The following DAP variants were observed in gnomAD, a reference collection of about 807,000 sequenced individuals.
The protein encoded by DAP is death-associated protein 1.
A neutral mutation model predicts 13.8 loss-of-function variants in DAP; 8 were observed. The ratio of observed to expected loss-of-function variants is 0.58; its 90% CI spans 0.34 to 1.05. The LOEUF is 1.05. Among genes scored for constraint, DAP ranks in the 50% least tolerant of loss-of-function variants. DAP has a pLI of 0.03. For synonymous variants in DAP, 47 were observed against 47.5 expected, an observed-to-expected ratio of 0.99 and a Z score of 0.04; for missense variants, 106 against 133.2, an observed-to-expected ratio of 0.80 and a Z score of 1.01.
chr5:10,725,354 G>A (rs955369412), intron 2 of DAP, among the ~76,000 whole-genome samples: 6 of 152,196 alleles, frequency 3.9e-5, no homozygotes, highest in Non-Finnish European at 8.8e-5. Context: ...GTCCTGAGGC[G>A]TGTGGGCTCC....
chr5:10,716,898 T>A (rs894373609), intron 2 of DAP, among the ~76,000 whole-genome samples: 8 of 152,220 alleles, frequency 5.3e-5, no homozygotes, highest in African/African-American at 9.6e-5. Context: ...TCATTGGTTT[T>A]GGGGTTTCTG....
intron 2 of DAP, among the ~76,000 whole-genome samples, chr5:10,743,432 C>T (rs1473045466): frequency 6.6e-6 from 1 of 152,168 alleles, no homozygotes; most frequent in Non-Finnish European, 1.5e-5. Context: ...AAGTCAAGCT[C>T]AGGGAAGAAT....
Position 10,689,706 on chromosome 5 carries a change from T to C in DAP, c.153-6135A>G, listed in dbSNP as rs535689457. On this transcript the variant is annotated intron_variant, in intron 2 of 3. Transcript: ENST00000230895. ...CTGGTGTCCTTTGTGCTGCATCCTATACAAAGTGGCTAGTCATTCTGCTGG... is the reference window on the plus strand; with the variant it reads ...CTGGTGTCCTTTGTGCTGCATCCTACACAAAGTGGCTAGTCATTCTGCTGG... 9.2e-5 allele frequency among the ~76,000 whole-genome samples: 14 copies of C among 152,334 alleles called. No homozygotes were observed. In the South Asian group the frequency reaches 2.7e-3, roughly 29 times the overall value.
At chr5:10,735,834 T>A (rs755613593) in intron 2 of DAP, among the ~76,000 whole-genome samples, 1 of 152,214 alleles carries the variant, frequency 6.6e-6, no homozygotes, top group Non-Finnish European at 1.5e-5. Context: ...TACTGCCAGC[T>A]GACGCCTAGT....
At chr5:10,756,481 G>T (rs1740185047) in intron 1 of DAP, among the ~76,000 whole-genome samples, 2 of 152,176 alleles carry the variant, frequency 1.3e-5, no homozygotes, top group South Asian at 4.1e-4. Flanking sequence ...ATCAATTAGT[G>T]TAAGAGAGAA....
intron 2 of DAP, among the ~76,000 whole-genome samples, chr5:10,746,321 C>CA (rs1561033088): frequency 1.4e-5 from 2 of 144,732 alleles, no homozygotes; most frequent in African/African-American, 5.3e-5. Context: ...ATAATTCTAG[C>CA]GTTTTTTTTT....
At chr5:10,702,667 G>A (rs1042490707) in intron 2 of DAP, among the ~76,000 whole-genome samples, 2 of 152,222 alleles carry the variant, frequency 1.3e-5, no homozygotes, top group Non-Finnish European at 2.9e-5. Context: ...GGAAAAGAGG[G>A]ATGGGGTGTT....
At chr5:10,703,669 C>T (rs1011034294) in intron 2 of DAP, among the ~76,000 whole-genome samples, 2 of 152,234 alleles carry the variant, frequency 1.3e-5, no homozygotes, top group Non-Finnish European at 1.5e-5. Flanking sequence ...TCATAACGGA[C>T]TGGTACAACA....
At chr5:10,730,163 G>A (rs1739402829) in intron 2 of DAP, among the ~76,000 whole-genome samples, 3 of 152,222 alleles carry the variant, frequency 2.0e-5, no homozygotes, top group African/African-American at 4.8e-5. Flanking sequence ...GTTGTTCCCA[G>A]TGGCATGGCT....
At chr5:10,741,377 G>A (rs901480446) in intron 2 of DAP, among the ~76,000 whole-genome samples, 1 of 152,160 alleles carries the variant, frequency 6.6e-6, no homozygotes. Context: ...GCGGTGGGGG[G>A]CTGTGGTAGG....
At chr5:10,705,324 G>C (rs1293466726) in intron 2 of DAP, among the ~76,000 whole-genome samples, 2 of 152,228 alleles carry the variant, frequency 1.3e-5, no homozygotes, top group Non-Finnish European at 1.5e-5. Flanking sequence ...ATTTTGGAAA[G>C]AGTTTTACCT....
At chr5:10,760,993 A>AG (rs1740336578) in intron 1 of DAP, 21 bp downstream of exon 1, 1 of 1,223,216 alleles carries the variant, frequency 8.2e-7, no homozygotes, top group East Asian at 3.4e-5. Flanking sequence ...GCGCGTGGAG[A>AG]GAGAGGAAAA....
At chr5:10,731,213 T>A (rs1242815615) in intron 2 of DAP, among the ~76,000 whole-genome samples, 1 of 126,740 alleles carries the variant, frequency 7.9e-6, no homozygotes, top group African/African-American at 3.0e-5. Flanking sequence ...GGAATCTTTC[T>A]CTATTGAGAG....
intron 2 of DAP, among the ~76,000 whole-genome samples, chr5:10,727,553 T>TG (rs934113100): frequency 2.6e-5 from 4 of 152,066 alleles, no homozygotes; most frequent in South Asian, 2.1e-4. Flanking sequence ...AGGGTTTAGA[T>TG]GGGGGGGACT....
chr5:10,733,155 C>CGTGTGT lies in DAP; in HGVS notation c.152+15014_152+15019dup, dbSNP rs55645932. 3.0e-3 allele frequency among the ~76,000 whole-genome samples: 386 copies of CGTGTGT among 128,470 alleles called. 1 individual carries two copies. The highest frequency in any genetic ancestry group is 9.9e-3 in the East Asian group (45 of 4,548). The allele number at this position is 128,470 out of a possible 152,430, so 84.3% of individuals were successfully genotyped here. ...TTTTTAAGGTTGAATAATATTCCTG[C>CGTGTGT]GTGTGTGTGTGTGTGTGTGTGTGTG... On this transcript the variant is annotated intron_variant, in intron 2 of 3. Transcript: ENST00000230895.
At chr5:10,683,483 T>G in intron 3 of DAP, 46 bp downstream of exon 3, 1 of 1,587,658 alleles carries the variant, frequency 6.3e-7, no homozygotes, top group Non-Finnish European at 8.6e-7. Flanking sequence ...GACTCCATGC[T>G]GCCATGCAAA....
intron 1 of DAP, among the ~76,000 whole-genome samples, chr5:10,748,488 C>T (rs1190143905): frequency 1.3e-5 from 2 of 152,196 alleles, no homozygotes; most frequent in Non-Finnish European, 2.9e-5. Context: ...CACTCAGAAA[C>T]TTTCCAAGGC....
chr5:10,718,569 A>T (rs1267669517), intron 2 of DAP, among the ~76,000 whole-genome samples: 1 of 152,220 alleles, frequency 6.6e-6, no homozygotes, highest in Non-Finnish European at 1.5e-5. Flanking sequence ...CTCCCATGAC[A>T]TCCCTGTTCA....
At chr5:10,703,786 G>A (rs980537410) in intron 2 of DAP, among the ~76,000 whole-genome samples, 6 of 152,318 alleles carry the variant, frequency 3.9e-5, no homozygotes, top group African/African-American at 9.6e-5. Context: ...GGGGGCACAG[G>A]GAGCCTTCCC....
Sources: gnomAD v4.1 joint callset for allele counts (sites outside exome capture counted in the v4.1 genomes callset) on GRCh38, gnomAD v4.1.1 for gene constraint, MANE v1.5 for transcripts, NCBI Gene and HGNC (gene_info 2026-07-23, HGNC 2026-07-21) for gene names.